Variants in PSMG1 observed in about 807,000 individuals in gnomAD.
PSMG1 encodes the protein proteasome assembly chaperone 1.
A neutral mutation model predicts 37.2 loss-of-function variants in PSMG1; 23 were observed. That is an observed-to-expected ratio of 0.62 (90% CI 0.44 to 0.88). The LOEUF (loss-of-function observed/expected upper bound fraction) is 0.88. Among genes scored for constraint, PSMG1 ranks in the 40% least tolerant of loss-of-function variants. The pLI, the probability that PSMG1 is intolerant of heterozygous loss-of-function variation, is 0.00. For synonymous variants in PSMG1, 127 were observed against 128.0 expected (o/e 0.99, Z 0.05); for missense variants, 340 against 344.2 (o/e 0.99, Z 0.10).
At chr21:39,180,827 G>A (rs1330898161) in intron 2 of PSMG1, among the ~76,000 whole-genome samples, 2 of 152,144 alleles carry the variant, frequency 1.3e-5, no homozygotes, top group Non-Finnish European at 2.9e-5. Context: ...TCTTAACTGG[G>A]TTTCCTGAAT....
At chr21:39,183,143 G>A in intron 1 of PSMG1, 109 bp downstream of exon 1, 1 of 1,335,490 alleles carries the variant, frequency 7.5e-7, no homozygotes, top group Non-Finnish European at 9.7e-7. Flanking sequence ...GGCAACCGCG[G>A]GGGCCACTCG....
chr21:39,177,342 T>C (rs2030662190), intron 6 of PSMG1, 93 bp downstream of exon 6: 2 of 1,230,324 alleles, frequency 1.6e-6, no homozygotes, highest in South Asian at 2.1e-5. Flanking sequence ...CTCCAAGCAT[T>C]GCTTAGGGTT....
chr21:39,175,883 T>C (rs909224567), intron 6 of PSMG1, among the ~76,000 whole-genome samples: 4 of 152,152 alleles, frequency 2.6e-5, no homozygotes, highest in Non-Finnish European at 5.9e-5. Context: ...TGGCCTCCGA[T>C]GGTCTCCTGG....
chr21:39,175,460 A>T lies in PSMG1; in HGVS notation c.*130T>A, dbSNP rs1256549788. On this transcript the variant is annotated 3_prime_UTR_variant, in exon 7 of 7. Coordinates refer to ENST00000331573, the MANE Select transcript of PSMG1 (RefSeq NM_003720.4). ...TAAATAAGGAATTAAAACTACAATT[A>T]ATTTTTTACAATTTTATTCCGTTTC... The T allele has an allele frequency of 2.2e-5, 28 of 1,288,204 alleles. No homozygotes were observed. The highest frequency in any genetic ancestry group is 1.6e-5 in the Non-Finnish European group (16 of 998,062). The allele number at this position is 1,288,204 out of a possible 1,614,324, so 79.8% of individuals were successfully genotyped here. A position where few individuals can be genotyped will look rare whatever the true frequency, so the allele number is the denominator to read the frequency against.
chr21:39,176,040 G>C (rs1275988254), intron 6 of PSMG1, among the ~76,000 whole-genome samples: 1 of 152,010 alleles, frequency 6.6e-6, no homozygotes, highest in Admixed American at 6.6e-5. Context: ...TTCTACCCAA[G>C]ATTCATCCAT....
intron 2 of PSMG1, among the ~76,000 whole-genome samples, chr21:39,180,909 C>T (rs1048859812): frequency 6.6e-6 from 1 of 152,032 alleles, no homozygotes; most frequent in Non-Finnish European, 1.5e-5. Context: ...GTACATTGTC[C>T]TAGCTGCACT....
rs2030577529 is a variant in PSMG1, at chr21:39,174,916, AT to A, written c.*673del. Reference sequence around the variant, plus strand: ...TGGGTGAAGAGGCTATCTGTCAGATATTACTAAAAAGTGAGGACATACACAT... The same window carrying A: ...TGGGTGAAGAGGCTATCTGTCAGATATACTAAAAAGTGAGGACATACACAT... On this transcript the variant is annotated 3_prime_UTR_variant, in exon 7 of 7. Transcript: ENST00000331573. 1 of 152,206 alleles carries A rather than the reference AT, an allele frequency of 6.6e-6. No individual in the cohort carries two copies. The highest frequency in any genetic ancestry group is 2.1e-4 in the South Asian group (1 of 4,830). The allele number at this position is 152,206 out of a possible 1,614,324, so 9.4% of individuals were successfully genotyped here.
rs1220665327 is a variant in PSMG1, at chr21:39,179,159, TCAG to T, written c.457-515_457-513del. Among the ~76,000 whole-genome samples, 3 of 152,270 alleles carry T rather than the reference TCAG, an allele frequency of 2.0e-5. No individual in the cohort carries two copies. The East Asian group carries it at 5.8e-4, about 29-fold the overall frequency. ...ACCATGATTGGAGGCTCCTGAGGCC[TCAG>T]CAGAAGCCAAGCAGATGCCAGCACC... On this transcript the variant is annotated intron_variant, in intron 4 of 6. Coordinates refer to ENST00000331573, the MANE Select transcript of PSMG1 (RefSeq NM_003720.4).
At position 39,179,915 on chromosome 21, in the gene PSMG1, C is replaced by T; in HGVS notation, c.456+9G>A. On this transcript the variant is annotated intron_variant, in intron 4 of 6. Coordinates refer to ENST00000331573, the MANE Select transcript of PSMG1 (RefSeq NM_003720.4). The stretch of plus-strand genomic sequence containing the variant: ...ACTAACCATTCACAGGTTTTCATTT[C>T]TCTCTTACCTTTTCCAGCCACTGAT... 1 of 1,611,896 alleles carries T rather than the reference C, an allele frequency of 6.2e-7. No individual in the cohort carries two copies. Among genetic ancestry groups the T allele is most frequent in the Non-Finnish European group, 8.5e-7 (1 of 1,179,566 alleles).
In PSMG1 at chr21:39,183,346, A is replaced by G; in HGVS notation, c.40T>C (p.Cys14Arg). 1 of 1,573,352 alleles carries G rather than the reference A, an allele frequency of 6.4e-7. No homozygotes were observed. Among genetic ancestry groups the G allele is most frequent in the Non-Finnish European group, 8.6e-7 (1 of 1,162,678 alleles). The change falls in exon 1 of 7, where the codon TGC becomes CGC. Residue 14 changes from cysteine to arginine, a missense_variant. Physicochemically the swap from Cys to Arg is radical, Grantham distance 180. Transcript: ENST00000331573. Reference sequence around the variant, plus strand: ...TCTTCGTCCTCAGTCCCAGCTCGGCACGGCGCCTTCACCACCTCTCCGAAG... The same window carrying G: ...TCTTCGTCCTCAGTCCCAGCTCGGCGCGGCGCCTTCACCACCTCTCCGAAG... ...TFFGEVVKAP[C>R]RAGTEDEEEE... is the part of the protein sequence containing the mutation.
chr21:39,181,918 A>C, intron 1 of PSMG1, 40 bp from the exon 2 acceptor site: 1 of 1,423,992 alleles, frequency 7.0e-7, no homozygotes, highest in Non-Finnish European at 9.5e-7. Context: ...CAACTTCAAT[A>C]TAAACAGTAT....
chr21:39,181,130 T>G (rs2030811354), intron 2 of PSMG1, among the ~76,000 whole-genome samples: 1 of 152,038 alleles, frequency 6.6e-6, no homozygotes, highest in South Asian at 2.1e-4. Flanking sequence ...CTAAAAACAT[T>G]TTCTTTAAAG....
chr21:39,181,861 C>T lies in PSMG1; in HGVS notation c.152G>A (p.Arg51Gln), dbSNP rs755573511. The T allele has an allele frequency of 5.7e-6, 9 of 1,589,626 alleles. No homozygotes were observed. The East Asian group carries it at 6.9e-5, about 12-fold the overall frequency. The change falls in exon 2 of 7, where the codon CGA (arginine) becomes CAA (glutamine). Residue 51 changes from arginine (R) to glutamine (Q), a missense_variant. Arg to Gln is a conservative substitution (Grantham distance 43). Transcript: ENST00000331573. Reference sequence around the variant, plus strand: ...TTCCAAAGATGTTTTTGTTTGTCTTCGAAGGAGCCGCACTTCCCTAACACA... The same window carrying T: ...TTCCAAAGATGTTTTTGTTTGTCTTTGAAGGAGCCGCACTTCCCTAACACA... The part of the protein sequence containing the change: ...LARKREVRLL[R>Q]RQTKTSLEVS...
Position 39,181,055 on chromosome 21 carries a change from C to T in PSMG1, c.242-619G>A, listed in dbSNP as rs184356726. 1.3e-3 allele frequency among the ~76,000 whole-genome samples: 193 copies of T among 152,274 alleles called. 1 individual carries two copies. The highest frequency in any genetic ancestry group is 2.7e-3 in the South Asian group (13 of 4,830). On this transcript the variant is annotated intron_variant, in intron 2 of 6. Transcript: ENST00000331573. ...TCAAAGGAGTCTATTAACTCAAAAA[C>T]ATTAACATAAACCCGGATACCTCAA...
intron 1 of PSMG1, chr21:39,182,918 G>A (rs1385701226): frequency 2.3e-5 from 6 of 255,884 alleles, no homozygotes; most frequent in Non-Finnish European, 4.4e-5. Context: ...GGAAGATCAC[G>A]AGTCCGCAAG....
At chr21:39,183,457 T>C (rs59618845), upstream of PSMG1, 85 of 1,478,862 alleles carry the variant, frequency 5.7e-5, no homozygotes, top group Non-Finnish European at 7.2e-5. Flanking sequence ...GAGACCACGC[T>C]CCCTCACCGC....
intron 6 of PSMG1, 52 bp downstream of exon 6, chr21:39,177,383 C>T (rs1309262044): frequency 2.7e-6 from 4 of 1,456,680 alleles, no homozygotes; most frequent in Middle Eastern, 1.8e-4. Flanking sequence ...ATGTTTGTTA[C>T]TAAGCTGATT....
chr21:39,183,049 G>A, intron 1 of PSMG1: 1 of 599,084 alleles, frequency 1.7e-6, no homozygotes, highest in Non-Finnish European at 2.7e-6. Context: ...AGATCCACGC[G>A]AGAACCACAC....
rs1180262943 is a variant in PSMG1 at position 39,183,394 on chromosome 21, C to G, written c.-9G>C. On this transcript the variant is annotated 5_prime_UTR_variant, in exon 1 of 7. Transcript: ENST00000331573. ...AAGAACGTGGCCGCCATAGCCGCCC[C>G]GTGACCGGCTGGACACAACTGCAGC... is the stretch of plus-strand genomic sequence containing the variant. The G allele has an allele frequency of 6.3e-6, 10 of 1,575,756 alleles. No individual in the cohort carries two copies. The highest frequency in any genetic ancestry group is 7.7e-6 in the Non-Finnish European group (9 of 1,165,896).
Sources: gnomAD v4.1 joint callset for allele counts (sites outside exome capture counted in the v4.1 genomes callset) on GRCh38, gnomAD v4.1.1 for gene constraint, MANE v1.5 for transcripts, NCBI Gene and HGNC (gene_info 2026-07-23, HGNC 2026-07-21) for gene names.